GRIK4: variants seen among roughly 807,000 people sequenced by gnomAD.
The protein encoded by GRIK4 is glutamate receptor ionotropic, kainate 4.
A neutral mutation model predicts 104.9 loss-of-function variants in GRIK4; 40 were observed. That is an observed-to-expected ratio of 0.38 (90% CI 0.30 to 0.50). The LOEUF (loss-of-function observed/expected upper bound fraction) is 0.50, where lower values mean the gene tolerates loss of function less well. Among genes scored for constraint, GRIK4 ranks in the 20% least tolerant of loss-of-function variants. The pLI is 0.93. For missense variants in GRIK4, 1,047 were observed against 1,308.1 expected (o/e 0.80, Z 3.08); for synonymous variants, 485 against 524.9 (o/e 0.92, Z 1.04).
At chr11:120,658,343 A>G (rs1019866063) in intron 2 of GRIK4, among the ~76,000 whole-genome samples, 2 of 152,128 alleles carry the variant, frequency 1.3e-5, no homozygotes, top group African/African-American at 4.8e-5. Context: ...GCTGCTATAG[A>G]CATTCTAGTG....
intron 3 of GRIK4, among the ~76,000 whole-genome samples, chr11:120,784,424 C>A (rs1308661706): frequency 1.3e-5 from 2 of 152,150 alleles, no homozygotes; most frequent in Non-Finnish European, 2.9e-5. Flanking sequence ...CAAAGCCATT[C>A]TAATCTGTCA....
chr11:120,801,873 A>C (rs1207152626), intron 3 of GRIK4, among the ~76,000 whole-genome samples: 1 of 152,162 alleles, frequency 6.6e-6, no homozygotes, highest in African/African-American at 2.4e-5. Flanking sequence ...CTTCCTTAAA[A>C]GCGAGGCAAC....
At chr11:120,813,902 C>G (rs760442453) in intron 4 of GRIK4, among the ~76,000 whole-genome samples, 14 of 152,226 alleles carry the variant, frequency 9.2e-5, no homozygotes, top group Non-Finnish European at 8.8e-5. Context: ...ATTGCATTTT[C>G]TGAGGGACGG....
chr11:120,825,315 GA>G (rs1953229281), intron 6 of GRIK4, among the ~76,000 whole-genome samples: 1 of 152,120 alleles, frequency 6.6e-6, no homozygotes, highest in Non-Finnish European at 1.5e-5. Flanking sequence ...TGAGATCTTG[GA>G]AAAGTGACTT....
intron 3 of GRIK4, among the ~76,000 whole-genome samples, chr11:120,750,976 T>C (rs1394965764): frequency 1.3e-5 from 2 of 152,188 alleles, no homozygotes; most frequent in African/African-American, 2.4e-5. Context: ...GAGGAACACA[T>C]GTGCAGTAAA....
intron 1 of GRIK4, among the ~76,000 whole-genome samples, chr11:120,561,512 G>C (rs1948238264): frequency 6.6e-6 from 1 of 152,162 alleles, no homozygotes; most frequent in Non-Finnish European, 1.5e-5. Context: ...GGGACTAGGG[G>C]GGCCTACTCG....
intron 15 of GRIK4, among the ~76,000 whole-genome samples, chr11:120,954,043 G>C (rs1944074143): frequency 6.6e-6 from 1 of 152,136 alleles, no homozygotes; most frequent in South Asian, 2.1e-4. Flanking sequence ...TGGGGTGGGT[G>C]GGGTCTTCCC....
chr11:120,825,999 A>T (rs1565375937), intron 6 of GRIK4, among the ~76,000 whole-genome samples: 1 of 152,154 alleles, frequency 6.6e-6, no homozygotes, highest in East Asian at 1.9e-4. Context: ...ATAAAAAATT[A>T]ACCATGCAGC....
chr11:120,582,510 T>G (rs1182578591), intron 1 of GRIK4, among the ~76,000 whole-genome samples: 1 of 152,196 alleles, frequency 6.6e-6, no homozygotes, highest in Non-Finnish European at 1.5e-5. Flanking sequence ...CCCTTCTTTG[T>G]GTCCATGTGT....
At chr11:120,630,265 T>G (rs1257929382) in intron 1 of GRIK4, among the ~76,000 whole-genome samples, 1 of 152,240 alleles carries the variant, frequency 6.6e-6, no homozygotes, top group Non-Finnish European at 1.5e-5. Context: ...GCTAAGCCCC[T>G]TGGGAGCAGA....
chr11:120,630,073 GGAGTCCTTCT>G (rs1262134782), intron 1 of GRIK4, among the ~76,000 whole-genome samples: 2 of 152,240 alleles, frequency 1.3e-5, no homozygotes, highest in Admixed American at 1.3e-4. Flanking sequence ...CCAGGGTCTA[GGAGTCCTTCT>G]GAGCTCCTTC....
intron 13 of GRIK4, among the ~76,000 whole-genome samples, chr11:120,935,721 G>T (rs933189912): frequency 1.3e-5 from 2 of 152,104 alleles, no homozygotes; most frequent in African/African-American, 4.8e-5. Context: ...AGATGAATAA[G>T]CCACCACCCC....
intron 3 of GRIK4, among the ~76,000 whole-genome samples, chr11:120,686,180 C>T (rs1449576715): frequency 1.3e-5 from 2 of 152,144 alleles, no homozygotes; most frequent in Non-Finnish European, 2.9e-5. Flanking sequence ...AAGCATGATA[C>T]ATCCATCAAT....
chr11:120,917,461 G>A (rs1416416655), intron 13 of GRIK4, among the ~76,000 whole-genome samples: 1 of 152,064 alleles, frequency 6.6e-6, no homozygotes, highest in Non-Finnish European at 1.5e-5. Flanking sequence ...AAAAGGCAAG[G>A]GGGGCACAGG....
intron 3 of GRIK4, among the ~76,000 whole-genome samples, chr11:120,682,162 C>T (rs947999689): frequency 3.3e-5 from 5 of 152,168 alleles, no homozygotes; most frequent in African/African-American, 7.2e-5. Flanking sequence ...TGGCTGGAAT[C>T]GTCAGAAGGA....
chr11:120,824,361 C>T (rs998913050), intron 6 of GRIK4, among the ~76,000 whole-genome samples: 3 of 152,126 alleles, frequency 2.0e-5, no homozygotes, highest in Non-Finnish European at 4.4e-5. Flanking sequence ...TACTGGGGGG[C>T]TTCCAAGGAG....
chr11:120,954,934 G>T (rs895127479), intron 15 of GRIK4, among the ~76,000 whole-genome samples: 10 of 152,056 alleles, frequency 6.6e-5, no homozygotes, highest in Admixed American at 5.9e-4. Flanking sequence ...CTTTGGGGGT[G>T]GAATGACAAG....
chr11:120,762,718 C>T (rs1036250017), intron 3 of GRIK4, among the ~76,000 whole-genome samples: 1 of 152,106 alleles, frequency 6.6e-6, no homozygotes, highest in Non-Finnish European at 1.5e-5. Flanking sequence ...GTCATTGGTT[C>T]TGTTTATGTG....
intron 8 of GRIK4, among the ~76,000 whole-genome samples, chr11:120,845,150 A>T (rs9783286): frequency 0.015 from 2,213 of 152,308 alleles, 56 homozygotes; most frequent in African/African-American, 0.05. Context: ...GGCTTGGCAT[A>T]TGAGGTTGGG....
Sources: allele counts gnomAD v4.1 joint callset (sites outside exome capture counted in the v4.1 genomes callset), GRCh38; gene constraint gnomAD v4.1.1; transcripts MANE v1.5; gene names NCBI Gene and HGNC (gene_info 2026-07-23, HGNC 2026-07-21).